USP16: variants seen among roughly 807,000 people sequenced by gnomAD.
USP16 encodes ubiquitin carboxyl-terminal hydrolase 16.
A neutral mutation model predicts 95.9 loss-of-function variants in USP16; 77 were observed. That is an observed-to-expected ratio of 0.80 (90% CI 0.67 to 0.97). The LOEUF (loss-of-function observed/expected upper bound fraction) is 0.97. Ranked by LOEUF, USP16 falls within the 50% of genes least tolerant of loss-of-function variation. The pLI is 0.00. For missense variants in USP16, 943 were observed against 959.9 expected (o/e 0.98, Z 0.23); for synonymous variants, 303 against 318.2 (o/e 0.95, Z 0.51).
In USP16 at chr21:29,042,079, T is replaced by A; in HGVS notation, c.1097T>A (p.Met366Lys). 6.2e-7 allele frequency: 1 copy of A among 1,613,278 alleles called. No homozygotes were observed. Among genetic ancestry groups the A allele is most frequent in the South Asian group, 1.1e-5 (1 of 91,008 alleles). The change falls in exon 11 of 18, where the codon ATG becomes AAG. Residue 366 changes from methionine (M) to lysine (K), a missense_variant. By Grantham distance (95) the Met-to-Lys change is moderately conservative. Transcript: ENST00000399976. ...DRIFGGELTS[M>K]IMCDQCRTVS... ...ATCTTTGGTGGTGAACTAACTAGTA[T>A]GATCATGTGTGATCAATGCAGAACT... is the stretch of plus-strand genomic sequence containing the variant.
chr21:29,049,473 G>A (rs1173060508), intron 15 of USP16, among the ~76,000 whole-genome samples: 1 of 152,182 alleles, frequency 6.6e-6, no homozygotes, highest in Non-Finnish European at 1.5e-5. Context: ...TTATGCTATC[G>A]CTGAGTTTTA....
At position 29,043,673 on chromosome 21, in the gene USP16, A is replaced by G. The variant is rs2085278932; in HGVS notation, c.1356+74A>G. On this transcript the variant is annotated intron_variant, in intron 13 of 17. Transcript: ENST00000399976. ...CTATTGAGTTTGTAGTCTGAATGACATTGGTTAGACATGTCTGTTATTTTA... is the reference window on the plus strand; with the variant it reads ...CTATTGAGTTTGTAGTCTGAATGACGTTGGTTAGACATGTCTGTTATTTTA... 4.5e-6 allele frequency: 6 copies of G among 1,338,378 alleles called. No homozygotes were observed. The South Asian group carries it at 1.0e-4, about 23-fold the overall frequency. 82.9% of individuals were successfully genotyped at this position (1,338,378 alleles called of 1,614,324 possible). A position where few individuals can be genotyped will look rare whatever the true frequency, so the allele number is the denominator to read the frequency against.
chr21:29,042,678 A>T (rs2085262850), intron 12 of USP16, 150 bp downstream of exon 12: 4 of 608,566 alleles, frequency 6.6e-6, no homozygotes, highest in Non-Finnish European at 1.1e-5. Context: ...TTAGGATTTG[A>T]ATAAAGAACA....
chr21:29,053,764 A>C (rs761303399), intron 16 of USP16, 38 bp from the exon 17 acceptor site: 1 of 1,599,342 alleles, frequency 6.3e-7, no homozygotes, highest in South Asian at 1.1e-5. Flanking sequence ...GTGTAAATGG[A>C]ACTAGAACTA....
intron 15 of USP16, 87 bp from the exon 16 acceptor site, chr21:29,050,005 C>G: frequency 1.8e-6 from 2 of 1,136,668 alleles, no homozygotes; most frequent in Non-Finnish European, 2.5e-6. Flanking sequence ...TGTTGATATT[C>G]TTTTGGACGT....
In USP16 at chr21:29,039,081, A is replaced by G; in HGVS notation, c.788A>G (p.Gln263Arg). 1.9e-6 allele frequency: 3 copies of G among 1,594,658 alleles called. No homozygotes were observed. Among genetic ancestry groups the G allele is most frequent in the Non-Finnish European group, 1.7e-6 (2 of 1,169,038 alleles). ...PPGPLTLAMS[Q>R]FLNEMQETKK... Reference sequence around the variant, plus strand: ...GGCCCTCTTACTTTAGCCATGAGCCAGTTTCTTAATGAGATGCAAGAGACC... The same window carrying G: ...GGCCCTCTTACTTTAGCCATGAGCCGGTTTCTTAATGAGATGCAAGAGACC... Residue 263 changes from glutamine to arginine, a missense_variant, in exon 8 of 18, where the codon CAG (glutamine) becomes CGG (arginine). Gln to Arg is a conservative substitution (Grantham distance 43). Coordinates refer to ENST00000399976, the MANE Select transcript of USP16 (RefSeq NM_006447.3).
At chr21:29,038,288 T>C (rs1401262946) in intron 6 of USP16, 47 bp from the exon 7 acceptor site, 1 of 1,338,102 alleles carries the variant, frequency 7.5e-7, no homozygotes, top group Non-Finnish European at 1.1e-6. Context: ...TCAGAGTTGA[T>C]TTGCCTTTAA....
Position 29,024,685 on chromosome 21 carries a change from G to T in USP16, c.-134G>T. The T allele has an allele frequency of 1.6e-6, 2 of 1,288,182 alleles. No individual in the cohort carries two copies. The highest frequency in any genetic ancestry group is 2.0e-6 in the Non-Finnish European group (2 of 987,780). 79.8% of individuals were successfully genotyped at this position (1,288,182 alleles called of 1,614,324 possible). On this transcript the variant is annotated 5_prime_UTR_variant, in exon 1 of 18. Coordinates refer to ENST00000399976, the MANE Select transcript of USP16 (RefSeq NM_006447.3). ...CAGGGGTCACTCTGGCTTCGACTCC[G>T]TCGCTCTCAATTCGTCACCAGGAGG...
Position 29,037,476 on chromosome 21 carries a change from T to A in USP16, c.636+13T>A. The A allele has an allele frequency of 6.5e-7, 1 of 1,529,540 alleles. No homozygotes were observed. The highest frequency in any genetic ancestry group is 2.4e-5 in the East Asian group (1 of 42,442). The allele number at this position is 1,529,540 out of a possible 1,614,324, so 94.7% of individuals were successfully genotyped here. On this transcript the variant is annotated intron_variant, in intron 6 of 17. Coordinates refer to ENST00000399976, the MANE Select transcript of USP16 (RefSeq NM_006447.3). ...TGCAGTTATGCAGGTACATTGTCAT[T>A]TTTTTCCCTTTAAAAAAGCTGTCCT...
intron 3 of USP16, among the ~76,000 whole-genome samples, chr21:29,032,002 CTT>C (rs1373760744): frequency 6.6e-6 from 1 of 152,096 alleles, no homozygotes; most frequent in Non-Finnish European, 1.5e-5. Context: ...ATTCTGTACA[CTT>C]TTGTCACCTG....
intron 8 of USP16, 75 bp from the exon 9 acceptor site, chr21:29,039,406 C>A: frequency 6.7e-7 from 1 of 1,492,210 alleles, no homozygotes; most frequent in South Asian, 1.2e-5. Context: ...GGGATATGAT[C>A]CTAAGATTTT....
chr21:29,026,854 T>G (rs910219423), intron 1 of USP16, among the ~76,000 whole-genome samples: 5 of 151,624 alleles, frequency 3.3e-5, no homozygotes, highest in South Asian at 4.1e-4. Flanking sequence ...ACTTTAGTGG[T>G]TTTTTTTGTT....
chr21:29,045,952 C>T lies in USP16; in HGVS notation c.1357-715C>T, dbSNP rs781087633. 4.6e-5 allele frequency among the ~76,000 whole-genome samples: 7 copies of T among 152,044 alleles called. No individual in the cohort carries two copies. In the East Asian group the frequency reaches 5.8e-4, roughly 13 times the overall value. On this transcript the variant is annotated intron_variant, in intron 13 of 17. Coordinates refer to ENST00000399976, the MANE Select transcript of USP16 (RefSeq NM_006447.3). ...TCCCGAGTAGCTGGGATTACAGGCGCGCACCACCCATGTGTGCATTACAGG... is the reference window on the plus strand; with the variant it reads ...TCCCGAGTAGCTGGGATTACAGGCGTGCACCACCCATGTGTGCATTACAGG...
rs776011152 is a variant in USP16 at position 29,034,928 on chromosome 21, A to C, written c.332A>C (p.Asn111Thr). The C allele has an allele frequency of 6.2e-7, 1 of 1,613,940 alleles. No homozygotes were observed. The highest frequency in any genetic ancestry group is 8.5e-7 in the Non-Finnish European group (1 of 1,179,806). ...CACTGTCTGGTTCTTAGTTTGGACA[A>C]CTGGAGTGTATGGTGAGTTTCAGTT... ...EPHCLVLSLD[N>T]WSVWCYVCDN... Residue 111 changes from asparagine to threonine, a missense_variant, in exon 4 of 18, where the codon AAC becomes ACC. By Grantham distance (65) the Asn-to-Thr change is moderately conservative (BLOSUM62 0). Transcript: ENST00000399976.
intron 6 of USP16, 25 bp from the exon 7 acceptor site, chr21:29,038,310 C>A: frequency 2.7e-6 from 4 of 1,493,502 alleles, no homozygotes; most frequent in Non-Finnish European, 1.8e-6. Flanking sequence ...TAATTTTTCT[C>A]TTTTTTTTTC....
chr21:29,038,298 A>G, intron 6 of USP16, 37 bp from the exon 7 acceptor site: 2 of 1,458,018 alleles, frequency 1.4e-6, no homozygotes, highest in Non-Finnish European at 9.5e-7. Context: ...TTTGCCTTTA[A>G]ATAATTTTTC....
chr21:29,042,281 G>A (rs2832156), intron 11 of USP16, among the ~76,000 whole-genome samples, 177 bp downstream of exon 11: 7,859 of 152,158 alleles, frequency 0.052, 464 homozygotes, highest in East Asian at 0.16. Flanking sequence ...TCTTGAAGAC[G>A]TTAAACAGTT....
intron 1 of USP16, among the ~76,000 whole-genome samples, chr21:29,026,853 GT>G (rs201366690): frequency 2.6e-5 from 4 of 151,902 alleles, no homozygotes; most frequent in Non-Finnish European, 5.9e-5. Context: ...AACTTTAGTG[GT>G]TTTTTTTGTT....
In USP16 at chr21:29,053,792, A is replaced by G. The variant is rs765307699; in HGVS notation, c.2194-10A>G. 6.2e-7 allele frequency: 1 copy of G among 1,608,658 alleles called. No homozygotes were observed. The highest frequency in any genetic ancestry group is 1.1e-5 in the South Asian group (1 of 89,878). ...TAGAACTAACTTTTGGATTCTACTC[A>G]TTTTTAAAGAATGTTGCAGAAGAAA... On this transcript the variant is annotated splice_polypyrimidine_tract_variant and intron_variant, in intron 16 of 17. Transcript: ENST00000399976.
Sources: allele counts gnomAD v4.1 joint callset (sites outside exome capture counted in the v4.1 genomes callset), GRCh38; gene constraint gnomAD v4.1.1; transcripts MANE v1.5; gene names NCBI Gene and HGNC (gene_info 2026-07-23, HGNC 2026-07-21).